Variants in RIMS1 observed in about 807,000 individuals in gnomAD.
The protein encoded by RIMS1 is regulating synaptic membrane exocytosis protein 1.
Under a neutral mutation model 214.1 loss-of-function variants are expected in RIMS1, and 83 were observed. The observed-to-expected ratio is 0.39, with a 90% confidence interval of 0.32 to 0.47. RIMS1 has a LOEUF of 0.47. RIMS1 is among the 20% of genes least tolerant of loss of function. The pLI is 0.99. For synonymous variants in RIMS1, 793 were observed against 786.8 expected (o/e 1.01, Z -0.13); for missense variants, 2,050 against 2,161.8 (o/e 0.95, Z 1.03).
rs1040174995 is a variant in RIMS1 at position 72,261,437 on chromosome 6, G to C, written c.3116+670G>C. 25 of 984,606 alleles carry C rather than the reference G, an allele frequency of 2.5e-5. No homozygotes were observed. In the Admixed American group the frequency reaches 1.4e-3, roughly 53 times the overall value. 61.0% of individuals were successfully genotyped at this position (984,606 alleles called of 1,614,324 possible). ...ATATAATTTTTGCTTCTAAATTGGA[G>C]CTTAGAGCCTGATGCTTTATGTTAA... On this transcript the variant is annotated intron_variant, in intron 19 of 33. Coordinates refer to ENST00000521978, the MANE Select transcript of RIMS1 (RefSeq NM_014989.7).
At chr6:72,271,296 T>C (rs1340573341) in intron 22 of RIMS1, among the ~76,000 whole-genome samples, 1 of 28,630 alleles carries the variant, frequency 3.5e-5, no homozygotes, top group African/African-American at 9.6e-5. Flanking sequence ...AATATATATA[T>C]ATATATATAT....
At chr6:72,077,667 T>C (rs1176775418) in intron 2 of RIMS1, among the ~76,000 whole-genome samples, 1 of 152,194 alleles carries the variant, frequency 6.6e-6, no homozygotes, top group African/African-American at 2.4e-5. Flanking sequence ...AGAACTGAGA[T>C]CTACTAAGCA....
rs200346289 is a variant in RIMS1 at position 72,265,583 on chromosome 6, TCTC to T, written c.3308+84_3308+86del. The T allele has an allele frequency of 7.6e-3, 5,817 of 764,424 alleles. 227 individuals carry two copies. In the African/African-American group the frequency reaches 0.089, roughly 12 times the overall value. The allele number at this position is 764,424 out of a possible 1,614,324, so 47.4% of individuals were successfully genotyped here. ...AAAAAAGTTGAGTTGTAAAATTATT[TCTC>T]CTCTGATGTCCTTCATTTTGTTTTG... is the stretch of plus-strand genomic sequence containing the variant. On this transcript the variant is annotated intron_variant, in intron 21 of 33. Transcript: ENST00000521978.
chr6:71,968,106 G>A (rs6910028), intron 1 of RIMS1, among the ~76,000 whole-genome samples: 59,452 of 152,010 alleles, frequency 0.39, 12,052 homozygotes, highest in East Asian at 0.53. Flanking sequence ...TAAGATGTGA[G>A]GTCTAAGTTT....
chr6:72,120,708 T>C (rs903579322), intron 4 of RIMS1, among the ~76,000 whole-genome samples: 6 of 151,962 alleles, frequency 3.9e-5, no homozygotes, highest in Admixed American at 6.6e-5. Context: ...TTTGGTGTTT[T>C]AGTCATGAAG....
chr6:72,234,568 T>C (rs1452578815), intron 7 of RIMS1, among the ~76,000 whole-genome samples: 1 of 152,048 alleles, frequency 6.6e-6, no homozygotes, highest in Non-Finnish European at 1.5e-5. Flanking sequence ...GTATTATTAT[T>C]ATTGACTAAA....
At chr6:72,332,445 A>G (rs1383216739) in intron 28 of RIMS1, among the ~76,000 whole-genome samples, 3 of 149,958 alleles carry the variant, frequency 2.0e-5, no homozygotes, top group East Asian at 4.0e-4. Flanking sequence ...ACAAAAAACC[A>G]AACACCACAT....
chr6:72,044,408 T>C (rs1262072323), intron 2 of RIMS1, among the ~76,000 whole-genome samples: 1 of 151,828 alleles, frequency 6.6e-6, no homozygotes, highest in Non-Finnish European at 1.5e-5. Flanking sequence ...AAAATTAAAA[T>C]TTCAGTTCCT....
intron 2 of RIMS1, among the ~76,000 whole-genome samples, chr6:71,981,599 A>G (rs937938332): frequency 1.1e-4 from 16 of 152,186 alleles, no homozygotes; most frequent in Admixed American, 6.6e-4. Context: ...CAGAGAATGT[A>G]CAAAATTGCC....
intron 16 of RIMS1, among the ~76,000 whole-genome samples, chr6:72,253,044 C>G (rs2074173740): frequency 6.6e-6 from 1 of 152,150 alleles, no homozygotes; most frequent in Non-Finnish European, 1.5e-5. Flanking sequence ...TGAGGTTCTT[C>G]CGTAGAAACA....
chr6:72,099,513 A>G (rs1262550544), intron 3 of RIMS1, among the ~76,000 whole-genome samples: 1 of 152,142 alleles, frequency 6.6e-6, no homozygotes, highest in Non-Finnish European at 1.5e-5. Context: ...TCCCATTTTT[A>G]TTTATTATAA....
chr6:72,025,281 G>T (rs1816081571), intron 2 of RIMS1, among the ~76,000 whole-genome samples: 1 of 152,100 alleles, frequency 6.6e-6, no homozygotes, highest in Non-Finnish European at 1.5e-5. Flanking sequence ...TTTGAGTTTG[G>T]TTTTTCCCCA....
At chr6:72,148,623 G>T (rs1365172174) in intron 4 of RIMS1, 4 of 456,672 alleles carry the variant, frequency 8.8e-6, no homozygotes, top group Non-Finnish European at 1.8e-5. Flanking sequence ...CATGAAGTGG[G>T]GAGCCCAGTC....
At chr6:72,039,829 C>A (rs1472393364) in intron 2 of RIMS1, among the ~76,000 whole-genome samples, 1 of 151,692 alleles carries the variant, frequency 6.6e-6, no homozygotes, top group African/African-American at 2.4e-5. Context: ...AATACAGGTA[C>A]AATGATTCAA....
rs535881609 is a variant in RIMS1 at position 72,240,735 on chromosome 6, A to C, written c.1958-1579A>C. ...AGTCTATTAGAATTGGTGGCCGGGC[A>C]CGGTGACTCACACCTGTAATCCCAG... On this transcript the variant is annotated intron_variant, in intron 9 of 33. Coordinates refer to ENST00000521978, the MANE Select transcript of RIMS1 (RefSeq NM_014989.7). 4.0e-5 allele frequency among the ~76,000 whole-genome samples: 6 copies of C among 148,628 alleles called. No individual in the cohort carries two copies. The East Asian group carries it at 1.2e-3, about 30-fold the overall frequency.
At chr6:72,248,799 T>C (rs780436839) in intron 12 of RIMS1, among the ~76,000 whole-genome samples, 1 of 152,116 alleles carries the variant, frequency 6.6e-6, no homozygotes, top group Non-Finnish European at 1.5e-5. Context: ...GTGGTTTGCC[T>C]TTGTGGTTTT....
At chr6:72,040,413 A>G (rs1405720737) in intron 2 of RIMS1, among the ~76,000 whole-genome samples, 3 of 152,042 alleles carry the variant, frequency 2.0e-5, no homozygotes, top group Non-Finnish European at 1.5e-5. Flanking sequence ...GCCTGTCTAG[A>G]TTTTGAATTC....
intron 27 of RIMS1, among the ~76,000 whole-genome samples, chr6:72,308,389 A>G (rs2095338321): frequency 6.6e-6 from 1 of 152,126 alleles, no homozygotes; most frequent in South Asian, 2.1e-4. Flanking sequence ...AGCAGCCATT[A>G]TAGGTTGACC....
intron 28 of RIMS1, among the ~76,000 whole-genome samples, chr6:72,322,767 A>G (rs1453634096): frequency 6.6e-6 from 1 of 152,148 alleles, no homozygotes; most frequent in Non-Finnish European, 1.5e-5. Context: ...AGGATAATAG[A>G]GCCGTAAGCA....
Sources: allele counts gnomAD v4.1 joint callset (sites outside exome capture counted in the v4.1 genomes callset), GRCh38; gene constraint gnomAD v4.1.1; transcripts MANE v1.5; gene names NCBI Gene and HGNC (gene_info 2026-07-23, HGNC 2026-07-21).